Variants in LARP1B observed in about 807,000 individuals in gnomAD.
The protein encoded by LARP1B is La ribonucleoprotein 1B, also known as la-related protein 1B.
Under a neutral mutation model 114.2 loss-of-function variants are expected in LARP1B, and 76 were observed. The ratio of observed to expected loss-of-function variants is 0.67; its 90% CI spans 0.55 to 0.81. The LOEUF (loss-of-function observed/expected upper bound fraction) is 0.81, where lower values mean the gene tolerates loss of function less well. Ranked by LOEUF, LARP1B falls within the 30% of genes least tolerant of loss-of-function variation. LARP1B has a pLI of 0.00. For missense variants in LARP1B, 1,014 were observed against 1,075.8 expected (o/e 0.94, Z 0.80); for synonymous variants, 345 against 348.0 (o/e 0.99, Z 0.10).
Position 128,120,803 on chromosome 4 carries a change from ATTTTTT to A in LARP1B, c.1162-1006_1162-1001del, listed in dbSNP as rs56253884. Among the ~76,000 whole-genome samples, 161 of 128,792 alleles carry A rather than the reference ATTTTTT, an allele frequency of 1.3e-3. 1 individual carries two copies. The highest frequency in any genetic ancestry group is 4.2e-3 in the Middle Eastern group (1 of 238). 84.5% of individuals were successfully genotyped at this position (128,792 alleles called of 152,430 possible). On this transcript the variant is annotated intron_variant, in intron 10 of 19. Transcript: ENST00000326639. ...TTAAGTTCTATAGAAGGGGTAGACA[ATTTTTT>A]TTTTTTTTTTTTTTTTCTTCAGACA...
At chr4:128,209,827 T>G in intron 19 of LARP1B, 29 bp from the exon 20 acceptor site, 1 of 1,582,084 alleles carries the variant, frequency 6.3e-7, no homozygotes, top group Non-Finnish European at 8.7e-7. Flanking sequence ...AGTAAAATTG[T>G]CAACGGTGTT....
chr4:128,217,216 A>G (rs1033716636), intron 6 of LARP1B, among the ~76,000 whole-genome samples: 2 of 129,692 alleles, frequency 1.5e-5, no homozygotes, highest in Admixed American at 1.7e-4. Context: ...CCAGAGGTAC[A>G]AGGAGGAACT....
intron 8 of LARP1B, among the ~76,000 whole-genome samples, chr4:128,106,028 TTC>T (rs1440767182): frequency 6.6e-6 from 1 of 151,548 alleles, no homozygotes; most frequent in East Asian, 1.9e-4. Flanking sequence ...ATGGATAATG[TTC>T]TTTTTTTTTT....
chr4:128,186,787 C>T (rs1221450436), intron 15 of LARP1B, among the ~76,000 whole-genome samples: 2 of 152,192 alleles, frequency 1.3e-5, no homozygotes, highest in East Asian at 1.9e-4. Context: ...GACCTCCCGC[C>T]GCAGGACCAG....
At chr4:128,067,793 T>G (rs1032841657) in intron 1 of LARP1B, among the ~76,000 whole-genome samples, 2 of 150,998 alleles carry the variant, frequency 1.3e-5, no homozygotes, top group African/African-American at 4.9e-5. Flanking sequence ...CATTGCAACC[T>G]CCATCTCCCG....
chr4:128,120,897 G>T (rs1327279863), intron 10 of LARP1B, among the ~76,000 whole-genome samples: 1 of 146,852 alleles, frequency 6.8e-6, no homozygotes, highest in Non-Finnish European at 1.5e-5. Flanking sequence ...TGCAACCTCT[G>T]GCTCCCAGGT....
chr4:128,124,961 C>T (rs942832974), intron 11 of LARP1B, among the ~76,000 whole-genome samples: 2 of 152,028 alleles, frequency 1.3e-5, no homozygotes, highest in Non-Finnish European at 2.9e-5. Flanking sequence ...TTGACCTCTG[C>T]AAAAAGAGTT....
intron 9 of LARP1B, among the ~76,000 whole-genome samples, chr4:128,109,504 T>C (rs987161810): frequency 1.3e-5 from 2 of 152,090 alleles, no homozygotes; most frequent in East Asian, 1.9e-4. Flanking sequence ...CCAGAAAACA[T>C]TGATTATGGG....
downstream of LARP1B, among the ~76,000 whole-genome samples, chr4:128,214,273 G>A (rs979356128): frequency 8.8e-5 from 13 of 148,006 alleles, no homozygotes; most frequent in African/African-American, 2.2e-4. Flanking sequence ...CAAAGCAGCC[G>A]GGAAGCTCGA....
rs563150625 is a variant in LARP1B at position 128,083,071 on chromosome 4, G to A, written c.358+766G>A. Among the ~76,000 whole-genome samples the A allele has an allele frequency of 2.0e-3, 310 of 152,066 alleles. 1 individual carries two copies. Among genetic ancestry groups the A allele is most frequent in the Non-Finnish European group, 3.2e-3 (220 of 68,006 alleles). On this transcript the variant is annotated intron_variant, in intron 5 of 19. Transcript: ENST00000326639. The stretch of plus-strand genomic sequence containing the variant: ...TGTTTAACAAAACACATCTTGCACC[G>A]CCCTTAATCCATTTAACCCTGAGTG...
At chr4:128,073,418 C>CAAAAAAAAAAAA (rs776553862) in intron 1 of LARP1B, among the ~76,000 whole-genome samples, 1 of 42,910 alleles carries the variant, frequency 2.3e-5, no homozygotes, top group African/African-American at 1.1e-4. Context: ...GATTCCGTCT[C>CAAAAAAAAAAAA]AAAAAAAAAA....
chr4:128,195,394 C>T (rs1386011371), intron 15 of LARP1B, among the ~76,000 whole-genome samples: 3 of 152,166 alleles, frequency 2.0e-5, no homozygotes, highest in Non-Finnish European at 4.4e-5. Flanking sequence ...TGTTAGTCTT[C>T]ATTTTGATCT....
chr4:128,140,022 GT>G (rs1490083896), intron 11 of LARP1B, among the ~76,000 whole-genome samples: 1 of 152,142 alleles, frequency 6.6e-6, no homozygotes, highest in Non-Finnish European at 1.5e-5. Context: ...AATAGGATGT[GT>G]TTTAAATGTA....
intron 11 of LARP1B, among the ~76,000 whole-genome samples, chr4:128,140,936 C>T (rs1727799896): frequency 1.3e-5 from 2 of 152,058 alleles, no homozygotes; most frequent in Non-Finnish European, 2.9e-5. Context: ...CTGCCTCAGC[C>T]TCCCAAGTAG....
At chr4:128,142,074 T>C (rs886696385) in intron 11 of LARP1B, among the ~76,000 whole-genome samples, 30 of 152,330 alleles carry the variant, frequency 2.0e-4, no homozygotes, top group African/African-American at 7.2e-4. Flanking sequence ...GAGAGTCATG[T>C]AAACTTCCTG....
chr4:128,106,779 A>G (rs766801519), intron 8 of LARP1B, among the ~76,000 whole-genome samples: 4 of 152,338 alleles, frequency 2.6e-5, no homozygotes, highest in Non-Finnish European at 4.4e-5. Flanking sequence ...TAATTATTAC[A>G]ATAATAAAAT....
chr4:128,116,075 G>T lies in LARP1B; in HGVS notation c.1161+1333G>T, dbSNP rs72681902. Among the ~76,000 whole-genome samples, 980 of 152,318 alleles carry T rather than the reference G, an allele frequency of 6.4e-3. 6 individuals are homozygous for T. The highest frequency in any genetic ancestry group is 0.01 in the Non-Finnish European group (688 of 68,022). On this transcript the variant is annotated intron_variant, in intron 10 of 19. Transcript: ENST00000326639. ...GTTTTGGTGATTTAATGTGCAAAAG[G>T]AAAAGAAAATTGAATTTTTGGTGGA...
Position 128,199,466 on chromosome 4 carries a change from C to A in LARP1B, c.2031C>A (p.Gly677=). 1 of 1,563,228 alleles carries A rather than the reference C, an allele frequency of 6.4e-7. No homozygotes were observed. Among genetic ancestry groups the A allele is most frequent in the Non-Finnish European group, 8.7e-7 (1 of 1,152,760 alleles). Residue 677 remains glycine (G), a synonymous_variant, in exon 16 of 20, where the codon GGC becomes GGA. Coordinates refer to ENST00000326639, the MANE Select transcript of LARP1B (RefSeq NM_018078.4). The part of the protein sequence containing the change: ...VSTSNASPSE[G]APLAGSYGCT... ...CTTCAAATGCTTCACCTTCAGAAGG[C>A]GCACCACTAGCAGGAAGTTATGGAT...
At chr4:128,065,077 T>A (rs1005788063) in intron 1 of LARP1B, among the ~76,000 whole-genome samples, 4 of 152,092 alleles carry the variant, frequency 2.6e-5, no homozygotes, top group Non-Finnish European at 4.4e-5. Context: ...GTGATACTAG[T>A]TGTATGGTAT....
Sources: allele counts gnomAD v4.1 joint callset (sites outside exome capture counted in the v4.1 genomes callset), GRCh38; gene constraint gnomAD v4.1.1; transcripts MANE v1.5; gene names NCBI Gene and HGNC (gene_info 2026-07-23, HGNC 2026-07-21).